VPS53: variants seen among roughly 807,000 people sequenced by gnomAD.
The protein encoded by VPS53 is vacuolar protein sorting-associated protein 53 homolog.
A neutral mutation model predicts 107.0 loss-of-function variants in VPS53; 70 were observed. The ratio of observed to expected loss-of-function variants is 0.65; its 90% CI spans 0.54 to 0.80. The LOEUF (loss-of-function observed/expected upper bound fraction) is 0.80. VPS53 is among the 30% of genes least tolerant of loss of function. The probability of loss-of-function intolerance (pLI) is 0.00; values close to 1 mark genes in which losing one functional copy is unlikely to be tolerated. For synonymous variants in VPS53, 409 were observed against 393.3 expected, an observed-to-expected ratio of 1.04 and a Z score of -0.47; for missense variants, 917 against 1,049.4, an observed-to-expected ratio of 0.87 and a Z score of 1.74.
chr17:593,751 C>T lies in VPS53; in HGVS notation c.1219-7387G>A, dbSNP rs1410815584. Among the ~76,000 whole-genome samples, 4 of 152,270 alleles carry T rather than the reference C, an allele frequency of 2.6e-5. No homozygotes were observed. In the South Asian group the frequency reaches 8.3e-4, roughly 32 times the overall value. On this transcript the variant is annotated intron_variant, in intron 12 of 21. Coordinates refer to ENST00000437048, the MANE Select transcript of VPS53 (RefSeq NM_001128159.3). ...TCAACCATTGTGGAAGTCAGTGTGGCGATTCCTCAGGGATCTAGAACTAGA... is the reference window on the plus strand; with the variant it reads ...TCAACCATTGTGGAAGTCAGTGTGGTGATTCCTCAGGGATCTAGAACTAGA...
At chr17:661,039 A>G (rs762682201) in intron 5 of VPS53, among the ~76,000 whole-genome samples, 22 of 152,040 alleles carry the variant, frequency 1.4e-4, no homozygotes, top group East Asian at 5.8e-4. Flanking sequence ...AAAACCACAT[A>G]CACAGATCAT....
rs770310106 is a variant in VPS53 at position 562,637 on chromosome 17, G to A, written c.1422C>T (p.Leu474=). The change falls in exon 14 of 22, where the codon CTC becomes CTT. Residue 474 remains leucine (L), a synonymous_variant. Coordinates refer to ENST00000437048, the MANE Select transcript of VPS53 (RefSeq NM_001128159.3). ...CCATGCACTTCTTGTAGTAGACAAAGAGGTCGGCGCAGCTGGGGAGCACGG... is the reference window on the plus strand; with the variant it reads ...CCATGCACTTCTTGTAGTAGACAAAAAGGTCGGCGCAGCTGGGGAGCACGG... ...GGAVLPSCAD[L]FVYYKKCMVQ... The A allele has an allele frequency of 2.5e-5, 41 of 1,613,902 alleles. No homozygotes were observed. The highest frequency in any genetic ancestry group is 3.4e-5 in the Non-Finnish European group (40 of 1,180,002).
chr17:621,225 C>G (rs1389504914), intron 11 of VPS53, among the ~76,000 whole-genome samples: 2 of 152,188 alleles, frequency 1.3e-5, no homozygotes, highest in Non-Finnish European at 2.9e-5. Flanking sequence ...TCCCAAAGTG[C>G]TGGGATGACA....
At chr17:638,662 C>T (rs1970298392) in intron 7 of VPS53, among the ~76,000 whole-genome samples, 1 of 152,080 alleles carries the variant, frequency 6.6e-6, no homozygotes, top group Admixed American at 6.6e-5. Context: ...TTTTATTTCT[C>T]CTTCACTTAT....
At chr17:690,249 C>T (rs1972732256) in intron 4 of VPS53, among the ~76,000 whole-genome samples, 1 of 152,216 alleles carries the variant, frequency 6.6e-6, no homozygotes, top group African/African-American at 2.4e-5. Context: ...AGCTGAGACA[C>T]ACACGGTCTG....
intron 6 of VPS53, 116 bp downstream of exon 6, chr17:655,722 G>T (rs1971161581): frequency 1.0e-6 from 1 of 955,706 alleles, no homozygotes; most frequent in Admixed American, 2.9e-5. Context: ...CCAATTTGCA[G>T]AAAGTGGGGC....
chr17:618,289 T>C (rs531248529), intron 11 of VPS53, among the ~76,000 whole-genome samples: 1 of 89,494 alleles, frequency 1.1e-5, no homozygotes, highest in East Asian at 2.7e-4. Flanking sequence ...TAGCTGGGAC[T>C]ACAGGCGTGC....
At chr17:709,227 GCT>G (rs1213453641) in intron 2 of VPS53, among the ~76,000 whole-genome samples, 6 of 129,728 alleles carry the variant, frequency 4.6e-5, no homozygotes, top group African/African-American at 1.5e-4. Context: ...GGCGCAGCAC[GCT>G]CTGTCACGGA....
At chr17:550,265 T>C (rs1346172343) in intron 17 of VPS53, among the ~76,000 whole-genome samples, 1 of 152,168 alleles carries the variant, frequency 6.6e-6, no homozygotes, top group African/African-American at 2.4e-5. Context: ...ACTCTAAAGT[T>C]AGTGTTCCTC....
chr17:681,432 G>A (rs1177239061), intron 4 of VPS53, among the ~76,000 whole-genome samples: 1 of 152,200 alleles, frequency 6.6e-6, no homozygotes, highest in African/African-American at 2.4e-5. Context: ...ACTGCGCCCG[G>A]CCTACAAAAC....
intron 4 of VPS53, among the ~76,000 whole-genome samples, chr17:672,152 AATCTCT>A (rs1971981243): frequency 2.1e-4 from 25 of 118,818 alleles, no homozygotes; most frequent in South Asian, 5.5e-4. Context: ...ACACACACAC[AATCTCT>A]CTCTCACACA....
chr17:656,800 G>A (rs961230620), intron 5 of VPS53: 18 of 1,496,778 alleles, frequency 1.2e-5, no homozygotes, highest in African/African-American at 1.1e-4. Context: ...CATTTCACCC[G>A]CTGCTCTGTT....
At chr17:631,166 T>G in intron 8 of VPS53, among the ~76,000 whole-genome samples, 1 of 151,988 alleles carries the variant, frequency 6.6e-6, no homozygotes, top group East Asian at 1.9e-4. Context: ...TGGTGGATGC[T>G]CCACCCAGTT....
At chr17:664,692 C>T (rs1971605121) in intron 4 of VPS53, among the ~76,000 whole-genome samples, 2 of 152,214 alleles carry the variant, frequency 1.3e-5, no homozygotes, top group South Asian at 2.1e-4. Flanking sequence ...GGAGGGAAAG[C>T]GGGAGTGAAA....
chr17:641,869 T>A (rs1351879718), intron 7 of VPS53, among the ~76,000 whole-genome samples: 1 of 152,184 alleles, frequency 6.6e-6, no homozygotes, highest in East Asian at 1.9e-4. Context: ...CAACCCCAAA[T>A]GGGTCACTCT....
intron 17 of VPS53, 71 bp downstream of exon 17, chr17:551,801 G>C: frequency 7.3e-7 from 1 of 1,366,056 alleles, no homozygotes; most frequent in South Asian, 1.4e-5. Context: ...AGAAGCTACA[G>C]ACAAGGGCCA....
chr17:551,628 C>G (rs920240237), intron 17 of VPS53: 1 of 279,078 alleles, frequency 3.6e-6, no homozygotes, highest in Admixed American at 5.5e-5. Flanking sequence ...ACATTTACTT[C>G]GTCTCTTTTT....
Position 553,385 on chromosome 17 carries a change from G to A in VPS53, c.1782C>T (p.Phe594=), listed in dbSNP as rs1249558451. ...RINLTGEMDT[F]STVISSSIQL... is the part of the protein sequence containing the mutation. ...AGTGTGTGCAGGGTACATACGTGCT[G>A]AACGTGTCCATCTCTCCAGTCAGAT... The change falls in exon 16 of 22, where the codon TTC becomes TTT. Residue 594 remains phenylalanine (F), a synonymous_variant. Coordinates refer to ENST00000437048, the MANE Select transcript of VPS53 (RefSeq NM_001128159.3). 6.2e-7 allele frequency: 1 copy of A among 1,614,084 alleles called. No homozygotes were observed. Among genetic ancestry groups the A allele is most frequent in the Non-Finnish European group, 8.5e-7 (1 of 1,180,012 alleles).
intron 1 of VPS53, among the ~76,000 whole-genome samples, chr17:710,888 T>C (rs994774145): frequency 6.7e-6 from 1 of 149,826 alleles, no homozygotes; most frequent in Non-Finnish European, 1.5e-5. Context: ...GAGGTTACAG[T>C]GAGCCGAGAT....
Sources: gnomAD v4.1 joint callset for allele counts (sites outside exome capture counted in the v4.1 genomes callset) on GRCh38, gnomAD v4.1.1 for gene constraint, MANE v1.5 for transcripts, NCBI Gene and HGNC (gene_info 2026-07-23, HGNC 2026-07-21) for gene names.